Variants in CTNND2 observed in about 807,000 individuals in gnomAD.
The protein encoded by CTNND2 is catenin delta-2.
Under a neutral mutation model 144.4 loss-of-function variants are expected in CTNND2, and 22 were observed. That is an observed-to-expected ratio of 0.15 (90% CI 0.11 to 0.22). The LOEUF (loss-of-function observed/expected upper bound fraction) is 0.22, where lower values mean the gene tolerates loss of function less well. Among genes scored for constraint, CTNND2 ranks in the 10% least tolerant of loss-of-function variants. The pLI is 1.00. For missense variants in CTNND2, 1,353 were observed against 1,618.8 expected, an observed-to-expected ratio of 0.84 and a Z score of 2.82; for synonymous variants, 751 against 695.6, an observed-to-expected ratio of 1.08 and a Z score of -1.25.
intron 3 of CTNND2, among the ~76,000 whole-genome samples, chr5:11,485,345 C>CTGTGTG (rs375624492): frequency 0.039 from 5,817 of 148,700 alleles, 314 homozygotes; most frequent in African/African-American, 0.12. Flanking sequence ...GAGACAGAGA[C>CTGTGTG]TGTGTGTGTG....
At chr5:11,884,494 T>C (rs769272821) in intron 1 of CTNND2, among the ~76,000 whole-genome samples, 1 of 152,162 alleles carries the variant, frequency 6.6e-6, no homozygotes, top group Admixed American at 6.5e-5. Flanking sequence ...TGTAGATTTG[T>C]GGCGTTATTT....
chr5:11,520,739 T>C (rs1435185701), intron 3 of CTNND2, among the ~76,000 whole-genome samples: 2 of 152,230 alleles, frequency 1.3e-5, no homozygotes, highest in Non-Finnish European at 2.9e-5. Flanking sequence ...TCATGCCTCC[T>C]GCTTTCCCCA....
intron 2 of CTNND2, among the ~76,000 whole-genome samples, chr5:11,595,851 T>C (rs961691100): frequency 2.0e-5 from 3 of 152,172 alleles, no homozygotes; most frequent in African/African-American, 7.2e-5. Flanking sequence ...TAAAACACAT[T>C]AATTAATTAG....
At chr5:11,071,573 G>GAAA (rs34608744) in intron 16 of CTNND2, among the ~76,000 whole-genome samples, 2 of 146,474 alleles carry the variant, frequency 1.4e-5, no homozygotes. Context: ...TTCAAAAAAC[G>GAAA]AAAAAAAAAA....
intron 2 of CTNND2, among the ~76,000 whole-genome samples, chr5:11,566,958 TA>T (rs911437387): frequency 2.6e-4 from 39 of 152,300 alleles, no homozygotes; most frequent in African/African-American, 9.1e-4. Flanking sequence ...TTAGAGTTGT[TA>T]TTATGGTGCA....
chr5:11,010,269 T>C (rs1418649354), intron 18 of CTNND2, among the ~76,000 whole-genome samples: 1 of 152,240 alleles, frequency 6.6e-6, no homozygotes, highest in African/African-American at 2.4e-5. Flanking sequence ...ATAGAGGATT[T>C]ACTGCTTTTT....
At chr5:11,799,642 C>T (rs1791576104) in intron 1 of CTNND2, among the ~76,000 whole-genome samples, 1 of 151,948 alleles carries the variant, frequency 6.6e-6, no homozygotes, top group Non-Finnish European at 1.5e-5. Context: ...ATGAAATATC[C>T]CCCCCTTGCT....
In CTNND2 at chr5:11,300,408, A is replaced by G. The variant is rs534534468; in HGVS notation, c.1628+45964T>C. ...CCTGGTCACCCCAGAAATGCCTATC[A>G]CTCAGGCCTTTGCAATCCCTCAAGT... On this transcript the variant is annotated intron_variant, in intron 9 of 21. Transcript: ENST00000304623. Among the ~76,000 whole-genome samples, 4 of 152,190 alleles carry G rather than the reference A, an allele frequency of 2.6e-5. No homozygotes were observed. In the South Asian group the frequency reaches 8.3e-4, roughly 32 times the overall value.
intron 9 of CTNND2, among the ~76,000 whole-genome samples, chr5:11,294,768 G>A (rs544915087): frequency 1.7e-4 from 26 of 152,218 alleles, no homozygotes; most frequent in African/African-American, 6.3e-4. Flanking sequence ...AAAGGCCTTT[G>A]ACAAAATTCA....
intron 16 of CTNND2, among the ~76,000 whole-genome samples, chr5:11,078,302 C>T (rs1361286350): frequency 6.6e-6 from 1 of 152,164 alleles, no homozygotes; most frequent in Non-Finnish European, 1.5e-5. Context: ...AAATAGTTAG[C>T]AAAAGTCGCA....
intron 5 of CTNND2, among the ~76,000 whole-genome samples, chr5:11,405,587 A>T: frequency 6.6e-6 from 1 of 151,976 alleles, no homozygotes; most frequent in East Asian, 1.9e-4. Context: ...TTAAAAAAAA[A>T]AAGAGAGAGA....
intron 1 of CTNND2, among the ~76,000 whole-genome samples, chr5:11,818,401 C>T (rs190703727): frequency 5.6e-4 from 84 of 150,768 alleles, no homozygotes; most frequent in African/African-American, 1.7e-3. Flanking sequence ...TTTTTTTCCT[C>T]GCTGTCACCC....
At chr5:11,232,139 T>C (rs1213755012) in intron 10 of CTNND2, among the ~76,000 whole-genome samples, 3 of 152,240 alleles carry the variant, frequency 2.0e-5, no homozygotes, top group Non-Finnish European at 2.9e-5. Context: ...AGGCAGAGGT[T>C]TGTTGCAGGG....
intron 9 of CTNND2, among the ~76,000 whole-genome samples, chr5:11,286,159 A>G (rs1580799132): frequency 1.3e-5 from 2 of 152,284 alleles, no homozygotes; most frequent in African/African-American, 4.8e-5. Flanking sequence ...AAAATAAAGG[A>G]GCATGATACT....
At chr5:11,622,172 TA>T (rs1303202465) in intron 2 of CTNND2, among the ~76,000 whole-genome samples, 1 of 152,174 alleles carries the variant, frequency 6.6e-6, no homozygotes, top group Non-Finnish European at 1.5e-5. Context: ...AAATTTCTGG[TA>T]AAAAATCATG....
chr5:11,885,638 A>C (rs1582066272), intron 1 of CTNND2, among the ~76,000 whole-genome samples: 1 of 152,160 alleles, frequency 6.6e-6, no homozygotes, highest in Non-Finnish European at 1.5e-5. Flanking sequence ...AATTCAACAA[A>C]CAAACACTGG....
At chr5:11,345,198 G>C (rs1043150434) in intron 9 of CTNND2, among the ~76,000 whole-genome samples, 8 of 152,130 alleles carry the variant, frequency 5.3e-5, no homozygotes, top group African/African-American at 4.8e-5. Context: ...TTAAGGATCT[G>C]GGGCAGGTTT....
chr5:11,751,061 C>T (rs112681434), intron 1 of CTNND2, among the ~76,000 whole-genome samples: 2,072 of 151,910 alleles, frequency 0.014, 29 homozygotes, highest in Non-Finnish European at 0.02. Context: ...ATTAAAGAAA[C>T]ACTCCACTAA....
chr5:10,971,992 A>C lies in CTNND2; in HGVS notation c.*1461T>G, dbSNP rs1422397651. 1 of 152,656 alleles carries C rather than the reference A, an allele frequency of 6.6e-6. No individual in the cohort carries two copies. Among genetic ancestry groups the C allele is most frequent in the East Asian group, 1.9e-4 (1 of 5,204 alleles). 9.5% of individuals were successfully genotyped at this position (152,656 alleles called of 1,614,324 possible). A position where few individuals can be genotyped will look rare whatever the true frequency, so the allele number is the denominator to read the frequency against. ...GCCTTATTTCTTAGCTCTGTTAACCACTATTCTAACGTTAGCTTCAAGTTC... is the reference window on the plus strand; with the variant it reads ...GCCTTATTTCTTAGCTCTGTTAACCCCTATTCTAACGTTAGCTTCAAGTTC... On this transcript the variant is annotated 3_prime_UTR_variant, in exon 22 of 22. Transcript: ENST00000304623.
Sources: allele counts gnomAD v4.1 joint callset (sites outside exome capture counted in the v4.1 genomes callset), GRCh38; gene constraint gnomAD v4.1.1; transcripts MANE v1.5; gene names NCBI Gene and HGNC (gene_info 2026-07-23, HGNC 2026-07-21).